PRAG1: variants seen among roughly 807,000 people sequenced by gnomAD.
The protein encoded by PRAG1 is inactive tyrosine-protein kinase PRAG1.
A neutral mutation model predicts 95.6 loss-of-function variants in PRAG1; 110 were observed. The ratio of observed to expected loss-of-function variants is 1.15; its 90% confidence interval spans 0.99 to 1.35. The LOEUF is 1.35. PRAG1 is among the 40% of genes most tolerant of loss of function. PRAG1 has a pLI of 0.00. For missense variants in PRAG1, 2,554 were observed against 1,864.7 expected (o/e 1.37, Z -6.81); for synonymous variants, 1,052 against 819.4 (o/e 1.28, Z -4.85).
intron 3 of PRAG1, among the ~76,000 whole-genome samples, chr8:8,367,698 G>T (rs182811647): frequency 6.6e-6 from 1 of 151,874 alleles, no homozygotes; most frequent in Non-Finnish European, 1.5e-5. Flanking sequence ...CTGGAGTGCA[G>T]TGGCGTGATC....
intron 3 of PRAG1, among the ~76,000 whole-genome samples, chr8:8,367,980 T>C (rs940447864): frequency 2.6e-5 from 4 of 152,174 alleles, no homozygotes; most frequent in African/African-American, 9.6e-5. Flanking sequence ...TTGACTGCCA[T>C]ATGGAGCTCA....
At chr8:8,382,408 G>A (rs1800709447) in intron 1 of PRAG1, among the ~76,000 whole-genome samples, 1 of 152,204 alleles carries the variant, frequency 6.6e-6, no homozygotes, top group Non-Finnish European at 1.5e-5. Context: ...CGGGAGAAGT[G>A]GGGTGCTGGC....
chr8:8,346,359 G>T (rs1433139651), intron 3 of PRAG1, among the ~76,000 whole-genome samples: 1 of 152,230 alleles, frequency 6.6e-6, no homozygotes, highest in Non-Finnish European at 1.5e-5. Flanking sequence ...AAGACATCTT[G>T]TGCTTAACCT....
chr8:8,350,949 T>C (rs1370477822), intron 3 of PRAG1, among the ~76,000 whole-genome samples: 1 of 152,156 alleles, frequency 6.6e-6, no homozygotes, highest in South Asian at 2.1e-4. Context: ...GATGGGTGCA[T>C]GGATGGATGG....
At position 8,386,384 on chromosome 8, in the gene PRAG1, A is replaced by G. The variant is rs926055191; in HGVS notation, c.-151T>C. 7 of 151,814 alleles carry G rather than the reference A, an allele frequency of 4.6e-5. No individual in the cohort carries two copies. The highest frequency in any genetic ancestry group is 7.3e-5 in the African/African-American group (3 of 41,294). 9.4% of individuals were successfully genotyped at this position (151,814 alleles called of 1,614,324 possible). A position where few individuals can be genotyped will look rare whatever the true frequency, so the allele number is the denominator to read the frequency against. The stretch of plus-strand genomic sequence containing the variant: ...GAGCCGCCAGCCGCCCGGCCGGAGC[A>G]TTGTTCGCAGAAGGTCTGCGCGCGG... On this transcript the variant is annotated 5_prime_UTR_variant, in exon 1 of 6. The change abolishes an upstream ATG in the 5' untranslated region. Coordinates refer to ENST00000615670, the MANE Select transcript of PRAG1 (RefSeq NM_001080826.3).
At chr8:8,367,877 G>C (rs1398902530) in intron 3 of PRAG1, among the ~76,000 whole-genome samples, 2 of 152,094 alleles carry the variant, frequency 1.3e-5, no homozygotes, top group Non-Finnish European at 2.9e-5. Context: ...TCCTGACCTC[G>C]TGATCCACCT....
rs1163072211 is a variant in PRAG1, at chr8:8,376,580, G to C, written c.1829C>G (p.Ser610Cys). ...CGAGGCGGCAGGCTGGGGACACCTG[G>C]ATGGGTCACTGATAGCGACACCGTT... ...RTNGVAISDP[S>C]RCPQPAASSA... The change falls in exon 3 of 6, where the codon TCC becomes TGC. Residue 610 changes from serine (S) to cysteine (C), a missense_variant. By Grantham distance (112) the Ser-to-Cys change is moderately radical. Transcript: ENST00000615670. 3 of 1,606,986 alleles carry C rather than the reference G, an allele frequency of 1.9e-6. No homozygotes were observed. Among genetic ancestry groups the C allele is most frequent in the Non-Finnish European group, 1.7e-6 (2 of 1,175,746 alleles).
At position 8,318,516 on chromosome 8, in the gene PRAG1, G is replaced by A. The variant is rs1563222276; in HGVS notation, c.3859C>T (p.Leu1287=). 3.1e-6 allele frequency: 5 copies of A among 1,612,010 alleles called. No homozygotes were observed. Among genetic ancestry groups the A allele is most frequent in the Non-Finnish European group, 4.2e-6 (5 of 1,179,618 alleles). The change falls in exon 6 of 6, where the codon CTG becomes TTG. Residue 1287 remains leucine, a synonymous_variant. Transcript: ENST00000615670. The surrounding 1 kb of genome is among the most constrained non-coding windows in gnomAD (Gnocchi z 4.2). ...LRERDYRQED[L]PPLPALSLYS... ...AGGGACAGCGCGGGCAGCGGCGGCAGGTCCTCCTGCCGGTAGTCTCTCTCC... is the reference window on the plus strand; with the variant it reads ...AGGGACAGCGCGGGCAGCGGCGGCAAGTCCTCCTGCCGGTAGTCTCTCTCC...
intron 4 of PRAG1, 81 bp from the exon 5 acceptor site, chr8:8,328,542 T>C (rs370858921): frequency 7.1e-7 from 1 of 1,416,796 alleles, no homozygotes; most frequent in Non-Finnish European, 9.4e-7. Flanking sequence ...TTCCCTTTAT[T>C]TATTTATTTA....
At chr8:8,384,471 CA>C (rs901612151) in intron 1 of PRAG1, among the ~76,000 whole-genome samples, 3 of 151,858 alleles carry the variant, frequency 2.0e-5, no homozygotes, top group African/African-American at 7.3e-5. Flanking sequence ...CGGATGGACG[CA>C]AAGATTTTTA....
chr8:8,336,892 C>A (rs1799000631), intron 4 of PRAG1, among the ~76,000 whole-genome samples: 1 of 108,764 alleles, frequency 9.2e-6, no homozygotes. Flanking sequence ...CCCCCACTCC[C>A]CTCCCCACAC....
Position 8,327,917 on chromosome 8 carries a change from CAGCTTGGCATAGGTGCCCT to C in PRAG1, c.2846_2864del (p.Glu949GlyfsTer13), listed in dbSNP as rs1302964723. ...CCAGGGACTGGGTGTAGAGTCCCCC[CAGCTTGGCATAGGTGCCCT>C]CCTTGCTGCTGATGTTGCTCAGGAG... On this transcript the variant is annotated frameshift_variant, in exon 5 of 6. Transcript: ENST00000615670. LOFTEE classifies it high-confidence loss of function. 5.0e-6 allele frequency: 8 copies of C among 1,614,036 alleles called. No individual in the cohort carries two copies. Among genetic ancestry groups the C allele is most frequent in the Non-Finnish European group, 5.9e-6 (7 of 1,179,910 alleles).
intron 3 of PRAG1, among the ~76,000 whole-genome samples, chr8:8,346,032 C>T (rs1350329307): frequency 6.6e-6 from 1 of 152,144 alleles, no homozygotes; most frequent in Non-Finnish European, 1.5e-5. Flanking sequence ...TCTTAAGAAT[C>T]CCTGGAAAAG....
chr8:8,374,705 G>A, intron 3 of PRAG1: 3 of 985,382 alleles, frequency 3.0e-6, no homozygotes, highest in Non-Finnish European at 3.6e-6. Context: ...CAAAGAGTCT[G>A]CAATCACCTC....
intron 3 of PRAG1, among the ~76,000 whole-genome samples, chr8:8,353,624 T>A (rs550325834): frequency 6.6e-6 from 1 of 152,124 alleles, no homozygotes; most frequent in Non-Finnish European, 1.5e-5. Flanking sequence ...ATAAATAGTA[T>A]AACATTATAT....
intron 5 of PRAG1, among the ~76,000 whole-genome samples, chr8:8,326,095 A>G (rs182849649): frequency 1.3e-5 from 2 of 148,404 alleles, no homozygotes; most frequent in African/African-American, 4.9e-5. Flanking sequence ...AATATTATTC[A>G]GTATATATTA....
chr8:8,331,782 T>C (rs186009121), intron 4 of PRAG1, among the ~76,000 whole-genome samples: 2 of 152,180 alleles, frequency 1.3e-5, no homozygotes, highest in African/African-American at 4.8e-5. Context: ...GATTTTGTCC[T>C]TCCCTCTGTT....
rs773565395 is a variant in PRAG1, at chr8:8,318,894, C to T, written c.3481G>A (p.Gly1161Ser). Residue 1161 changes from glycine to serine, a missense_variant, in exon 6 of 6, where the codon GGC becomes AGC. Physicochemically the swap from Gly to Ser is moderately conservative, Grantham distance 56. Transcript: ENST00000615670. This position sits in a 1 kb window ranked among gnomAD's most constrained non-coding sequence, Gnocchi z 4.2. ...GCGGGGGCGGGGGCGGGCCCGGGGC[C>T]GGCCTGGAGGGTGCAGTGCACCAGC... ...LLLVHCTLQA[G>S]PGPAPAPAPA... The T allele has an allele frequency of 6.8e-6, 10 of 1,469,348 alleles. 1 individual carries two copies. Among genetic ancestry groups the T allele is most frequent in the Admixed American group, 4.2e-5 (2 of 47,346 alleles). The allele number at this position is 1,469,348 out of a possible 1,614,324, so 91.0% of individuals were successfully genotyped here.
chr8:8,383,965 G>C (rs1271946599), intron 1 of PRAG1, among the ~76,000 whole-genome samples: 5 of 152,190 alleles, frequency 3.3e-5, no homozygotes. Flanking sequence ...GGTGAAGACT[G>C]TCTACACCTT....
Sources: allele counts gnomAD v4.1 joint callset (sites outside exome capture counted in the v4.1 genomes callset), GRCh38; gene constraint gnomAD v4.1.1; non-coding constraint Gnocchi (gnomAD v3.1); transcripts MANE v1.5; gene names NCBI Gene and HGNC (gene_info 2026-07-23, HGNC 2026-07-21).